The following PER2 variants were observed in gnomAD, a reference collection of about 807,000 sequenced individuals.
PER2 encodes the protein period circadian protein homolog 2.
PER2 carries 66 observed loss-of-function variants against 121.0 expected under a neutral mutation model. The ratio of observed to expected loss-of-function variants is 0.55; its 90% confidence interval spans 0.45 to 0.67. PER2 has a LOEUF of 0.67. Ranked by LOEUF, PER2 falls within the 30% of genes least tolerant of loss-of-function variation. The pLI is 0.00. For missense variants in PER2, 1,521 were observed against 1,635.0 expected (o/e 0.93, Z 1.20); for synonymous variants, 684 against 659.9 (o/e 1.04, Z -0.56).
rs1221772054 is a variant in PER2, at chr2:238,262,129, G to A, written c.1307+62C>T. ...CCTATGCCATCTGTTGCTGGGAGGT[G>A]AGGACAGCCCGAGACCCCCGCCCAA... On this transcript the variant is annotated intron_variant, in intron 11 of 22. Coordinates refer to ENST00000254657, the MANE Select transcript of PER2 (RefSeq NM_022817.3). 48 of 1,503,704 alleles carry A rather than the reference G, an allele frequency of 3.2e-5. No individual in the cohort carries two copies. The East Asian group carries it at 9.9e-4, about 31-fold the overall frequency. 93.1% of individuals were successfully genotyped at this position (1,503,704 alleles called of 1,614,324 possible).
chr2:238,287,862 T>C (rs947817340), intron 1 of PER2, among the ~76,000 whole-genome samples: 2 of 152,210 alleles, frequency 1.3e-5, no homozygotes, highest in Non-Finnish European at 2.9e-5. Flanking sequence ...CCCTGGTCTA[T>C]GTCTGGGACT....
chr2:238,269,645 A>G (rs991799642), intron 6 of PER2, among the ~76,000 whole-genome samples: 1 of 151,340 alleles, frequency 6.6e-6, no homozygotes, highest in Admixed American at 6.6e-5. Context: ...CAAACACACC[A>G]ACTAACCTAC....
Position 238,252,984 on chromosome 2 carries a change from T to C in PER2, c.3039A>G (p.Thr1013=), listed in dbSNP as rs1051234166. 119 of 1,613,910 alleles carry C rather than the reference T, an allele frequency of 7.4e-5. No homozygotes were observed. Among genetic ancestry groups the C allele is most frequent in the Non-Finnish European group, 9.9e-5 (117 of 1,180,016 alleles). Reference sequence around the variant, plus strand: ...AGTCCGCCCCTACAGCTGCTGTCTCTGTGGCCCCTGTGGTCCCCATGGCTC... The same window carrying C: ...AGTCCGCCCCTACAGCTGCTGTCTCCGTGGCCCCTGTGGTCCCCATGGCTC... The part of the protein sequence containing the change: ...GTGAMGTTGA[T]ETAAVGADCK... The change falls in exon 19 of 23, where the codon ACA becomes ACG. Residue 1013 remains threonine (T), a synonymous_variant. Transcript: ENST00000254657. The surrounding 1 kb of genome is among the most constrained non-coding windows in gnomAD (Gnocchi z 4.2).
chr2:238,283,232 T>C (rs1386542353), intron 1 of PER2, among the ~76,000 whole-genome samples: 3 of 152,262 alleles, frequency 2.0e-5, no homozygotes, highest in Admixed American at 6.5e-5. Context: ...CCTTCCTGTT[T>C]TGGCACAGCC....
At chr2:238,285,617 C>A (rs958338592) in intron 1 of PER2, among the ~76,000 whole-genome samples, 2 of 152,096 alleles carry the variant, frequency 1.3e-5, no homozygotes, top group Non-Finnish European at 2.9e-5. Context: ...CAGAGGAGTC[C>A]CACCTCATGA....
intron 6 of PER2, among the ~76,000 whole-genome samples, chr2:238,270,984 T>G (rs1463916135): frequency 6.6e-6 from 1 of 152,222 alleles, no homozygotes; most frequent in Non-Finnish European, 1.5e-5. Context: ...CAGGGTGCCT[T>G]GCTCACGCTC....
intron 9 of PER2, among the ~76,000 whole-genome samples, chr2:238,263,549 G>T (rs908817521): frequency 4.0e-5 from 6 of 150,098 alleles, no homozygotes; most frequent in Non-Finnish European, 8.9e-5. Context: ...GTGGCTGGCT[G>T]GGCCTCTGCC....
At chr2:238,272,622 G>T (rs777132851) in intron 5 of PER2, among the ~76,000 whole-genome samples, 2 of 152,274 alleles carry the variant, frequency 1.3e-5, no homozygotes, top group Non-Finnish European at 2.9e-5. Flanking sequence ...AGGTGTGTGT[G>T]TATGTGGCCC....
intron 1 of PER2, among the ~76,000 whole-genome samples, chr2:238,285,780 A>T (rs958453967): frequency 3.3e-5 from 5 of 152,190 alleles, no homozygotes; most frequent in African/African-American, 1.2e-4. Flanking sequence ...AGCCTAGTGA[A>T]TTCTGCCTGT....
At position 238,260,829 on chromosome 2, in the gene PER2, G is replaced by A. The variant is rs1695902797; in HGVS notation, c.1541C>T (p.Ala514Val). Reference sequence around the variant, plus strand: ...CAGGGAGAATGGAAGGAGACGTACGGCTCTCCTCCGGCGTGAGTCCTCATG... The same window carrying A: ...CAGGGAGAATGGAAGGAGACGTACGACTCTCCTCCGGCGTGAGTCCTCATG... ...NGHEDSRRRRAEICKNGNKTK... is the reference protein window; with the variant it reads ...NGHEDSRRRRVEICKNGNKTK... The change falls in exon 13 of 23, where the codon GCC becomes GTC. Residue 514 changes from alanine to valine, a missense_variant and splice_region_variant. Ala to Val is a moderately conservative substitution (Grantham distance 64). Coordinates refer to ENST00000254657, the MANE Select transcript of PER2 (RefSeq NM_022817.3). The A allele has an allele frequency of 1.2e-6, 2 of 1,613,912 alleles. No individual in the cohort carries two copies. The highest frequency in any genetic ancestry group is 2.7e-5 in the African/African-American group (2 of 74,922).
chr2:238,246,994 G>GA (rs756752538), intron 22 of PER2, among the ~76,000 whole-genome samples: 20 of 152,242 alleles, frequency 1.3e-4, no homozygotes, highest in Non-Finnish European at 2.4e-4. Context: ...GTAGCAGAGA[G>GA]AGACAATAAC....
At chr2:238,297,054 T>G in the PER2 span, among the ~76,000 whole-genome samples, 13 of 152,230 alleles carry the variant, frequency 8.5e-5, no homozygotes, top group East Asian at 1.7e-3. Flanking sequence ...GAGTCACAAA[T>G]AACCCCCAAA....
chr2:238,261,008 T>C (rs1433164393), intron 12 of PER2, 55 bp from the exon 13 acceptor site: 2 of 1,588,904 alleles, frequency 1.3e-6, no homozygotes, highest in African/African-American at 2.7e-5. Flanking sequence ...GAGCTATGCA[T>C]GTGGCCCCCT....
rs182553604 is a variant in PER2, at chr2:238,245,726, G to A, written c.*649C>T. 685 of 398,540 alleles carry A rather than the reference G, an allele frequency of 1.7e-3. 8 individuals carry two copies. The highest frequency in any genetic ancestry group is 0.013 in the African/African-American group (634 of 48,742). The allele number at this position is 398,540 out of a possible 1,614,324, so 24.7% of individuals were successfully genotyped here. A position where few individuals can be genotyped will look rare whatever the true frequency, so the allele number is the denominator to read the frequency against. ...CAAACCACTAGGCTTCTTTAGTCCA[G>A]AGCAAATGTTTCAACTTTGTTCACT... On this transcript the variant is annotated 3_prime_UTR_variant, in exon 23 of 23. Transcript: ENST00000254657.
chr2:238,271,633 T>C, intron 5 of PER2, 120 bp from the exon 6 acceptor site: 1 of 753,930 alleles, frequency 1.3e-6, no homozygotes. Context: ...GGGGGCTCTC[T>C]GACTCCCTTG....
chr2:238,288,927 CT>C (rs972732182), upstream of PER2, among the ~76,000 whole-genome samples: 8 of 152,224 alleles, frequency 5.3e-5, no homozygotes, highest in East Asian at 1.9e-4. Context: ...GCCCGTCGCT[CT>C]TTTTACATAA....
At chr2:238,276,788 C>T (rs988149857) in intron 3 of PER2, among the ~76,000 whole-genome samples, 1 of 152,102 alleles carries the variant, frequency 6.6e-6, no homozygotes, top group African/African-American at 2.4e-5. Context: ...GTTCTGCTCC[C>T]GAGGTGACAT....
Position 238,255,863 on chromosome 2 carries a change from G to C in PER2, c.2114C>G (p.Ala705Gly). 2 of 1,614,170 alleles carry C rather than the reference G, an allele frequency of 1.2e-6. No homozygotes were observed. The highest frequency in any genetic ancestry group is 1.7e-6 in the Non-Finnish European group (2 of 1,180,012). The change falls in exon 18 of 23, where the codon GCG (alanine) becomes GGG (glycine). Residue 705 changes from alanine to glycine, a missense_variant. Physicochemically the swap from Ala to Gly is moderately conservative, Grantham distance 60 (BLOSUM62 0). Coordinates refer to ENST00000254657, the MANE Select transcript of PER2 (RefSeq NM_022817.3). The part of the protein sequence containing the change: ...ASGPESLDCL[A>G]GPALACGLSQ... ...GAGACCACAGGCCAGGGCAGGGCCCGCCAGGCAGTCCAGGGATTCTGGCCC... is the reference window on the plus strand; with the variant it reads ...GAGACCACAGGCCAGGGCAGGGCCCCCCAGGCAGTCCAGGGATTCTGGCCC...
chr2:238,259,041 A>G (rs1241707543), intron 14 of PER2, among the ~76,000 whole-genome samples: 1 of 152,214 alleles, frequency 6.6e-6, no homozygotes, highest in Non-Finnish European at 1.5e-5. Flanking sequence ...AGTAACAATT[A>G]TGATGACAAC....
Sources: allele counts gnomAD v4.1 joint callset (sites outside exome capture counted in the v4.1 genomes callset), GRCh38; gene constraint gnomAD v4.1.1; non-coding constraint Gnocchi (gnomAD v3.1); transcripts MANE v1.5; gene names NCBI Gene and HGNC (gene_info 2026-07-23, HGNC 2026-07-21).